Variants in CCPG1 observed in about 807,000 individuals in gnomAD.
The protein encoded by CCPG1 is cell cycle progression 1.
CCPG1 carries 46 observed loss-of-function variants against 81.3 expected under a neutral mutation model. The observed-to-expected ratio is 0.57, with a 90% CI of 0.45 to 0.72. CCPG1 has a LOEUF of 0.72. Among genes scored for constraint, CCPG1 ranks in the 30% least tolerant of loss-of-function variants. CCPG1 has a pLI of 0.00. For synonymous variants in CCPG1, 330 were observed against 305.2 expected, an observed-to-expected ratio of 1.08 and a Z score of -0.85; for missense variants, 902 against 937.6, an observed-to-expected ratio of 0.96 and a Z score of 0.50.
Position 55,356,152 on chromosome 15 carries a change from T to G in CCPG1, c.*68A>C. ...TGTCATCTTGGTAATTTCATTAGTTTCAATACCAAACATTATACAAAGCAT... is the reference window on the plus strand; with the variant it reads ...TGTCATCTTGGTAATTTCATTAGTTGCAATACCAAACATTATACAAAGCAT... On this transcript the variant is annotated 3_prime_UTR_variant, in exon 9 of 9. Transcript: ENST00000442196. 1.7e-6 allele frequency: 2 copies of G among 1,160,216 alleles called. No homozygotes were observed. The highest frequency in any genetic ancestry group is 2.4e-6 in the Non-Finnish European group (2 of 836,422). 71.9% of individuals were successfully genotyped at this position (1,160,216 alleles called of 1,614,324 possible).
In CCPG1 at chr15:55,355,258, A is replaced by G; in HGVS notation, c.*962T>C. 3 of 1,569,814 alleles carry G rather than the reference A, an allele frequency of 1.9e-6. No individual in the cohort carries two copies. Among genetic ancestry groups the G allele is most frequent in the Non-Finnish European group, 2.6e-6 (3 of 1,148,630 alleles). On this transcript the variant is annotated 3_prime_UTR_variant, in exon 9 of 9. Coordinates refer to ENST00000442196, the MANE Select transcript of CCPG1 (RefSeq NM_001204450.2). ...CAGTACTCAGCAAAATGTAGCCTTT[A>G]TTTACTTAAACATTTATTTGCTTCT...
intron 3 of CCPG1, among the ~76,000 whole-genome samples, chr15:55,380,742 C>G (rs925174498): frequency 6.6e-5 from 10 of 152,018 alleles, no homozygotes; most frequent in African/African-American, 2.4e-4. Context: ...GGGCCAGGCG[C>G]GGTGACTCAT....
chr15:55,390,365 T>A (rs1319161378), intron 1 of CCPG1, among the ~76,000 whole-genome samples: 1 of 152,210 alleles, frequency 6.6e-6, no homozygotes, highest in Non-Finnish European at 1.5e-5. Context: ...CAGCATACAA[T>A]GGTCACTCCA....
At chr15:55,365,365 T>G in intron 6 of CCPG1, 56 bp from the exon 7 acceptor site, 2 of 1,073,092 alleles carry the variant, frequency 1.9e-6, no homozygotes, top group Non-Finnish European at 2.8e-6. Context: ...ATTAAATGTT[T>G]TATGTATTTT....
chr15:55,391,292 T>G (rs1290822279), intron 1 of CCPG1, among the ~76,000 whole-genome samples: 1 of 152,054 alleles, frequency 6.6e-6, no homozygotes, highest in Non-Finnish European at 1.5e-5. Context: ...TTTTTTGTAT[T>G]TTTTGTAGAG....
chr15:55,381,474 A>G (rs901818146), intron 3 of CCPG1, among the ~76,000 whole-genome samples: 4 of 152,160 alleles, frequency 2.6e-5, no homozygotes, highest in African/African-American at 9.7e-5. Flanking sequence ...TCTTTAACAT[A>G]TGCAAGTAAA....
intron 1 of CCPG1, among the ~76,000 whole-genome samples, chr15:55,390,682 C>G (rs2056896514): frequency 6.6e-6 from 1 of 151,900 alleles, no homozygotes; most frequent in African/African-American, 2.4e-5. Context: ...AGGCTGGTCT[C>G]AAACTCCTAG....
chr15:55,392,672 C>A (rs2056944671), intron 1 of CCPG1, among the ~76,000 whole-genome samples: 2 of 152,258 alleles, frequency 1.3e-5, no homozygotes, highest in South Asian at 2.1e-4. Context: ...AGGTGTGCGC[C>A]ACCATGCCTA....
At chr15:55,401,924 C>T (rs58053176) in intron 1 of CCPG1, among the ~76,000 whole-genome samples, 26,980 of 152,074 alleles carry the variant, frequency 0.18, 4,135 homozygotes, top group African/African-American at 0.42. Context: ...AATTTAATTG[C>T]TGTCTTCTGA....
At chr15:55,380,830 T>C (rs1209693660) in intron 3 of CCPG1, among the ~76,000 whole-genome samples, 2 of 143,406 alleles carry the variant, frequency 1.4e-5, no homozygotes, top group Admixed American at 6.9e-5. Context: ...CTGACCAACA[T>C]AGTGAAATCC....
intron 4 of CCPG1, among the ~76,000 whole-genome samples, chr15:55,377,666 G>T (rs143328307): frequency 1.3e-5 from 2 of 152,354 alleles, no homozygotes; most frequent in East Asian, 1.9e-4. Context: ...AGTTATAAGG[G>T]ATCCTCCCCT....
intron 3 of CCPG1, 119 bp downstream of exon 3, chr15:55,385,481 A>C: frequency 1.8e-6 from 1 of 566,000 alleles, no homozygotes; most frequent in Non-Finnish European, 3.1e-6. Flanking sequence ...CTGAAGTTCT[A>C]ATCCTCCAAC....
At chr15:55,406,436 CT>C (rs143238270) in intron 1 of CCPG1, among the ~76,000 whole-genome samples, 13,268 of 126,028 alleles carry the variant, frequency 0.11, 671 homozygotes, top group African/African-American at 0.21. Context: ...TTCTTTTTCT[CT>C]TTTTTTTTTT....
intron 1 of CCPG1, among the ~76,000 whole-genome samples, chr15:55,392,969 T>C (rs1289290115): frequency 6.6e-6 from 1 of 152,078 alleles, no homozygotes; most frequent in African/African-American, 2.4e-5. Flanking sequence ...CCGGGCATGG[T>C]GGCAAGCACC....
At chr15:55,369,483 C>T (rs993748195) in intron 6 of CCPG1, among the ~76,000 whole-genome samples, 3 of 150,742 alleles carry the variant, frequency 2.0e-5, no homozygotes, top group African/African-American at 4.9e-5. Context: ...TGCGGTGAGC[C>T]GAGATCACGC....
chr15:55,376,435 T>G (rs2056567145), intron 5 of CCPG1, among the ~76,000 whole-genome samples: 1 of 152,186 alleles, frequency 6.6e-6, no homozygotes, highest in African/African-American at 2.4e-5. Context: ...AAACAAAAGA[T>G]CTGAAGGTCA....
intron 1 of CCPG1, among the ~76,000 whole-genome samples, chr15:55,395,997 T>TA (rs1278524359): frequency 2.0e-5 from 3 of 151,874 alleles, no homozygotes; most frequent in African/African-American, 7.3e-5. Context: ...CTACTAAAAA[T>TA]ACAAAAATTA....
At position 55,358,128 on chromosome 15, in the gene CCPG1, G is replaced by C. The variant is rs189487244; in HGVS notation, c.2234+1411C>G. 1.1e-3 allele frequency: 172 copies of C among 153,532 alleles called. 1 individual carries two copies. The highest frequency in any genetic ancestry group is 2.1e-3 in the South Asian group (10 of 4,842). 9.5% of individuals were successfully genotyped at this position (153,532 alleles called of 1,614,324 possible). On this transcript the variant is annotated intron_variant, in intron 8 of 8. Coordinates refer to ENST00000442196, the MANE Select transcript of CCPG1 (RefSeq NM_001204450.2). ...AAATACAACAGTGATGCTGGCATTTGGATATGCCAAAGAGAAGCTATAAAG... is the reference window on the plus strand; with the variant it reads ...AAATACAACAGTGATGCTGGCATTTCGATATGCCAAAGAGAAGCTATAAAG...
At chr15:55,405,508 G>A (rs1193155550) in intron 1 of CCPG1, among the ~76,000 whole-genome samples, 1 of 152,092 alleles carries the variant, frequency 6.6e-6, no homozygotes, top group Admixed American at 6.5e-5. Flanking sequence ...AGTGAGCCGA[G>A]ACTGAACCAC....
Sources: allele counts gnomAD v4.1 joint callset (sites outside exome capture counted in the v4.1 genomes callset), GRCh38; gene constraint gnomAD v4.1.1; transcripts MANE v1.5; gene names NCBI Gene and HGNC (gene_info 2026-07-23, HGNC 2026-07-21).